SLC25A32: variants seen among roughly 807,000 people sequenced by gnomAD.
SLC25A32 encodes Glycine auxotroph B, complementation of hamster.
Under a neutral mutation model 39.0 loss-of-function variants are expected in SLC25A32, and 32 were observed. The ratio of observed to expected loss-of-function variants is 0.82; its 90% CI spans 0.62 to 1.10. The LOEUF (loss-of-function observed/expected upper bound fraction) is 1.10. SLC25A32 is among the 50% of genes least tolerant of loss of function. The probability of loss-of-function intolerance (pLI) is 0.00; values close to 1 mark genes in which losing one functional copy is unlikely to be tolerated. For missense variants in SLC25A32, 367 were observed against 395.3 expected, an observed-to-expected ratio of 0.93 and a Z score of 0.61; for synonymous variants, 166 against 152.4, an observed-to-expected ratio of 1.09 and a Z score of -0.66.
chr8:103,409,815 C>T (rs1413907530), intron 1 of SLC25A32, among the ~76,000 whole-genome samples: 3 of 152,180 alleles, frequency 2.0e-5, no homozygotes, highest in African/African-American at 7.2e-5. Flanking sequence ...TGTCAGAAGA[C>T]CTGGGTTTGA....
intron 2 of SLC25A32, among the ~76,000 whole-genome samples, chr8:103,406,065 GTA>G (rs1554628989): frequency 1.3e-4 from 19 of 144,146 alleles, no homozygotes; most frequent in Admixed American, 4.1e-4. Flanking sequence ...GTGTGTGTGT[GTA>G]TATATATATA....
At chr8:103,414,665 A>T (rs2130461411) in intron 1 of SLC25A32, 119 bp downstream of exon 1, 1 of 1,402,528 alleles carries the variant, frequency 7.1e-7, no homozygotes, top group South Asian at 1.3e-5. Flanking sequence ...CAGGTTAGCC[A>T]ACGCGGACAG....
chr8:103,405,516 T>C (rs1056594096), intron 2 of SLC25A32, among the ~76,000 whole-genome samples: 1 of 152,190 alleles, frequency 6.6e-6, no homozygotes, highest in Non-Finnish European at 1.5e-5. Flanking sequence ...TTGGCCACAC[T>C]TGAGTGGTAG....
intron 2 of SLC25A32, 62 bp from the exon 3 acceptor site, chr8:103,404,923 G>T: frequency 8.4e-7 from 1 of 1,190,596 alleles, no homozygotes; most frequent in Non-Finnish European, 1.2e-6. Flanking sequence ...GTTTTAAAGT[G>T]TATGTAAGTC....
intron 4 of SLC25A32, among the ~76,000 whole-genome samples, chr8:103,402,954 T>C (rs902529348): frequency 1.3e-5 from 2 of 152,134 alleles, no homozygotes; most frequent in African/African-American, 4.8e-5. Flanking sequence ...TGCCCACCAA[T>C]GTCATGATGA....
Position 103,414,650 on chromosome 8 carries a change from T to G in SLC25A32, c.154+134A>C, listed in dbSNP as rs561438030. 23 of 1,272,978 alleles carry G rather than the reference T, an allele frequency of 1.8e-5. No homozygotes were observed. In the African/African-American group the frequency reaches 3.2e-4, roughly 17 times the overall value. 78.9% of individuals were successfully genotyped at this position (1,272,978 alleles called of 1,614,324 possible). A position where few individuals can be genotyped will look rare whatever the true frequency, so the allele number is the denominator to read the frequency against. On this transcript the variant is annotated intron_variant, in intron 1 of 6. Transcript: ENST00000297578. Reference sequence around the variant, plus strand: ...CCACCAAGCACCATTTCCTCAAATCTAGTTCAGGTTAGCCAACGCGGACAG... The same window carrying G: ...CCACCAAGCACCATTTCCTCAAATCGAGTTCAGGTTAGCCAACGCGGACAG...
chr8:103,406,928 T>A (rs1304484125), intron 2 of SLC25A32, among the ~76,000 whole-genome samples: 1 of 152,186 alleles, frequency 6.6e-6, no homozygotes, highest in Non-Finnish European at 1.5e-5. Context: ...ACGGAAAAAA[T>A]AACTTAGTTA....
intron 1 of SLC25A32, 98 bp downstream of exon 1, chr8:103,414,686 T>A: frequency 7.2e-7 from 1 of 1,393,026 alleles, no homozygotes; most frequent in Admixed American, 1.9e-5. Context: ...CAACGCTCCC[T>A]TCAACGCTCC....
chr8:103,414,099 G>A (rs1816529479), intron 1 of SLC25A32, among the ~76,000 whole-genome samples: 1 of 152,102 alleles, frequency 6.6e-6, no homozygotes, highest in South Asian at 2.1e-4. Context: ...AATTCTCAAG[G>A]CTGAACTTAA....
Position 103,399,950 on chromosome 8 carries a change from G to C in SLC25A32, c.*461C>G, listed in dbSNP as rs1233666986. ...AATAAAATAAAATGGTCTGGATTTGGTCAACACCTTATTCAGTAAATCCTT... is the reference window on the plus strand; with the variant it reads ...AATAAAATAAAATGGTCTGGATTTGCTCAACACCTTATTCAGTAAATCCTT... On this transcript the variant is annotated 3_prime_UTR_variant, in exon 7 of 7. Coordinates refer to ENST00000297578, the MANE Select transcript of SLC25A32 (RefSeq NM_030780.5). 1 of 154,706 alleles carries C rather than the reference G, an allele frequency of 6.5e-6. No homozygotes were observed. Among genetic ancestry groups the C allele is most frequent in the African/African-American group, 2.4e-5 (1 of 41,448 alleles). 9.6% of individuals were successfully genotyped at this position (154,706 alleles called of 1,614,324 possible).
rs574033265 is a variant in SLC25A32 at position 103,400,191 on chromosome 8, G to A, written c.*220C>T. On this transcript the variant is annotated 3_prime_UTR_variant, in exon 7 of 7. Transcript: ENST00000297578. The stretch of plus-strand genomic sequence containing the variant: ...TGTCAGTTTTAACATTGTGTTGATG[G>A]CAGCCATTTCAGGCAGAGGTAGCCA... 16 of 541,724 alleles carry A rather than the reference G, an allele frequency of 3.0e-5. No homozygotes were observed. The South Asian group carries it at 3.1e-4, about 11-fold the overall frequency. 33.6% of individuals were successfully genotyped at this position (541,724 alleles called of 1,614,324 possible). A position where few individuals can be genotyped will look rare whatever the true frequency, so the allele number is the denominator to read the frequency against.
In SLC25A32 at chr8:103,407,649, C is replaced by T. The variant is rs763890749; in HGVS notation, c.290G>A (p.Gly97Glu). The change falls in exon 2 of 7, where the codon GGA (glycine) becomes GAA (glutamate). Residue 97 changes from glycine (G) to glutamate (E), a missense_variant. By Grantham distance (98) the Gly-to-Glu change is moderately conservative (BLOSUM62 -2). Transcript: ENST00000297578. ...ATCTACTCACAAGAAAAAGTAGAGT[C>T]CCCAGGATAAACCTGCACCCCATAT... The part of the protein sequence containing the change: ...PNIWGAGLSW[G>E]LYFFFYNAIK... The T allele has an allele frequency of 7.9e-5, 125 of 1,591,226 alleles. No individual in the cohort carries two copies. The highest frequency in any genetic ancestry group is 1.0e-4 in the Non-Finnish European group (118 of 1,166,584).
At position 103,409,126 on chromosome 8, in the gene SLC25A32, C is replaced by T. The variant is rs189475272; in HGVS notation, c.155-1342G>A. Among the ~76,000 whole-genome samples the T allele has an allele frequency of 2.6e-5, 4 of 152,278 alleles. 1 individual carries two copies. Among genetic ancestry groups the T allele is most frequent in the Admixed American group, 2.6e-4 (4 of 15,298 alleles). The stretch of plus-strand genomic sequence containing the variant: ...TTATAGAAAACCACAAGGAATAATA[C>T]AGTATCAATTATTTACTGCTTTGAA... On this transcript the variant is annotated intron_variant, in intron 1 of 6. Coordinates refer to ENST00000297578, the MANE Select transcript of SLC25A32 (RefSeq NM_030780.5).
At chr8:103,402,815 T>C (rs1037395620) in intron 4 of SLC25A32, 2 of 155,524 alleles carry the variant, frequency 1.3e-5, no homozygotes, top group Non-Finnish European at 2.8e-5. Flanking sequence ...GAACTGCTAA[T>C]GTCTTCTCCA....
chr8:103,401,356 A>G, intron 6 of SLC25A32, 160 bp downstream of exon 6: 4 of 530,382 alleles, frequency 7.5e-6, no homozygotes, highest in Non-Finnish European at 1.3e-5. Flanking sequence ...AGAGAGATTA[A>G]GGCCATGGTC....
rs150561916 is a variant in SLC25A32 at position 103,404,818 on chromosome 8, G to A, written c.349C>T (p.Arg117Cys). 1.4e-5 allele frequency: 23 copies of A among 1,613,032 alleles called. No individual in the cohort carries two copies. Among genetic ancestry groups the A allele is most frequent in the African/African-American group, 4.0e-5 (3 of 74,862 alleles). Residue 117 changes from arginine to cysteine, a missense_variant, in exon 3 of 7, where the codon CGT becomes TGT. Transcript: ENST00000297578. ...KSYKTEGRAE[R>C]LEATEYLVSA... Reference sequence around the variant, plus strand: ...ACAAGGTATTCTGTTGCCTCTAAACGTTCAGCTCTTCCTTCTGTTTTATAT... The same window carrying A: ...ACAAGGTATTCTGTTGCCTCTAAACATTCAGCTCTTCCTTCTGTTTTATAT...
At chr8:103,401,919 A>G (rs768382437) in intron 5 of SLC25A32, 22 bp downstream of exon 5, 3 of 1,578,272 alleles carry the variant, frequency 1.9e-6, no homozygotes, top group East Asian at 4.5e-5. Flanking sequence ...AAATGATATC[A>G]TTTTTACAAG....
At chr8:103,407,857 G>T in intron 1 of SLC25A32, 73 bp from the exon 2 acceptor site, 1 of 1,240,918 alleles carries the variant, frequency 8.1e-7, no homozygotes. Context: ...CACAGACACT[G>T]TACAATTGGT....
At chr8:103,400,943 A>T (rs1488950235) in intron 6 of SLC25A32, among the ~76,000 whole-genome samples, 1 of 152,254 alleles carries the variant, frequency 6.6e-6, no homozygotes, top group Non-Finnish European at 1.5e-5. Context: ...CTTAATGCCA[A>T]TAATATGGAA....
Sources: gnomAD v4.1 joint callset for allele counts (sites outside exome capture counted in the v4.1 genomes callset) on GRCh38, gnomAD v4.1.1 for gene constraint, MANE v1.5 for transcripts, NCBI Gene and HGNC (gene_info 2026-07-23, HGNC 2026-07-21) for gene names.